PHACTR2: variants seen among roughly 807,000 people sequenced by gnomAD.
The protein encoded by PHACTR2 is chromosome 6 open reading frame 56.
A neutral mutation model predicts 76.0 loss-of-function variants in PHACTR2; 30 were observed. The observed-to-expected ratio is 0.39, with a 90% CI of 0.30 to 0.54. PHACTR2 has a LOEUF of 0.54. Among genes scored for constraint, PHACTR2 ranks in the 20% least tolerant of loss-of-function variants. The pLI is 0.61. For missense variants in PHACTR2, 696 were observed against 781.1 expected, an observed-to-expected ratio of 0.89 and a Z score of 1.30; for synonymous variants, 292 against 292.5, an observed-to-expected ratio of 1.00 and a Z score of 0.02.
rs1777579361 is a variant in PHACTR2 at position 143,688,901 on chromosome 6, C to T, written c.46+10692C>T. The stretch of plus-strand genomic sequence containing the variant: ...CACTCAAAACCTTCCTGTCCTCCCA[C>T]TGCACTTGGAATGAAATCCAGATTG... On this transcript the variant is annotated intron_variant, in intron 1 of 12. Coordinates refer to ENST00000440869, the MANE Select transcript of PHACTR2 (RefSeq NM_001100164.2). This position sits in a 1 kb window ranked among gnomAD's most constrained non-coding sequence, Gnocchi z 5.2. 6.6e-6 allele frequency among the ~76,000 whole-genome samples: 1 copy of T among 152,244 alleles called. No individual in the cohort carries two copies. Among genetic ancestry groups the T allele is most frequent in the Non-Finnish European group, 1.5e-5 (1 of 68,046 alleles).
At chr6:143,771,172 ATG>A (rs1397912018) in intron 6 of PHACTR2, among the ~76,000 whole-genome samples, 281 of 22,136 alleles carry the variant, frequency 0.013, 9 homozygotes, top group African/African-American at 0.05. Flanking sequence ...ATATATATAT[ATG>A]TATATATATA....
At chr6:143,798,919 T>G (rs1022577181) in intron 11 of PHACTR2, among the ~76,000 whole-genome samples, 2 of 152,166 alleles carry the variant, frequency 1.3e-5, no homozygotes, top group Non-Finnish European at 2.9e-5. Context: ...TTAGGGAGGA[T>G]TCCCTCTTTT....
rs1278911637 is a variant in PHACTR2, at chr6:143,561,968, CTTGACATGAGTGGTTCCT to C, written c.217+24765_217+24782del. 3 of 152,224 alleles carry C rather than the reference CTTGACATGAGTGGTTCCT, an allele frequency of 2.0e-5. No homozygotes were observed. The highest frequency in any genetic ancestry group is 7.2e-5 in the African/African-American group (3 of 41,440). 9.4% of individuals were successfully genotyped at this position (152,224 alleles called of 1,614,324 possible). ...TACATCCTCTCTTTTTGCCCCATGT[CTTGACATGAGTGGTTCCT>C]TTGCTTGGAGGGCCTCCTGTCTCTT... On this transcript the variant is annotated intron_variant, in intron 1 of 11. Coordinates refer to the PHACTR2 transcript ENST00000367584. The surrounding 1 kb of genome is among the most constrained non-coding windows in gnomAD (Gnocchi z 4.1).
chr6:143,718,049 A>G (rs766402404), intron 2 of PHACTR2, among the ~76,000 whole-genome samples: 1 of 152,226 alleles, frequency 6.6e-6, no homozygotes, highest in African/African-American at 2.4e-5. Flanking sequence ...ATACTCCTGT[A>G]TAAAGAAAAT....
rs1775455893 is a variant in PHACTR2 at position 143,782,555 on chromosome 6, G to A, written c.1646-664G>A. On this transcript the variant is annotated intron_variant, in intron 9 of 12. Transcript: ENST00000440869. This position sits in a 1 kb window ranked among gnomAD's most constrained non-coding sequence, Gnocchi z 4.6. ...GGGCAGCATAAAATCGTACTACTTG[G>A]TGAATCACTAGAGAACGAGAAGACT... Among the ~76,000 whole-genome samples, 4 of 152,136 alleles carry A rather than the reference G, an allele frequency of 2.6e-5. No individual in the cohort carries two copies. The highest frequency in any genetic ancestry group is 2.6e-4 in the Admixed American group (4 of 15,276).
In PHACTR2 at chr6:143,616,871, T is replaced by C. The variant is rs1034991565; in HGVS notation, c.13+8549T>C. Among the ~76,000 whole-genome samples the C allele has an allele frequency of 1.3e-5, 2 of 151,798 alleles. No individual in the cohort carries two copies. The highest frequency in any genetic ancestry group is 1.9e-4 in the East Asian group (1 of 5,142). Reference sequence around the variant, plus strand: ...AGCCACGTGAGAGCCAGGGTAAAAATGTGTCAAGCTGAGTGGCCGGCAAAC... The same window carrying C: ...AGCCACGTGAGAGCCAGGGTAAAAACGTGTCAAGCTGAGTGGCCGGCAAAC... On this transcript the variant is annotated intron_variant, in intron 1 of 11. Coordinates refer to the PHACTR2 transcript ENST00000305766. This position sits in a 1 kb window ranked among gnomAD's most constrained non-coding sequence, Gnocchi z 4.9.
In PHACTR2 at chr6:143,811,032, AT is replaced by A. The variant is rs1776164704; in HGVS notation, c.1922+3900del. 1.3e-5 allele frequency among the ~76,000 whole-genome samples: 2 copies of A among 152,232 alleles called. No homozygotes were observed. Among genetic ancestry groups the A allele is most frequent in the African/African-American group, 4.8e-5 (2 of 41,554 alleles). ...TATATTCAAATCTATCTGTATTGTT[AT>A]GTTTTACTTCATTGTTTTGTGTCTT... is the stretch of plus-strand genomic sequence containing the variant. On this transcript the variant is annotated intron_variant, in intron 12 of 12. Transcript: ENST00000440869. This position sits in a 1 kb window ranked among gnomAD's most constrained non-coding sequence, Gnocchi z 4.1.
At position 143,798,105 on chromosome 6, in the gene PHACTR2, G is replaced by A. The variant is rs1407030242; in HGVS notation, c.1846-8952G>A. Among the ~76,000 whole-genome samples, 3 of 151,970 alleles carry A rather than the reference G, an allele frequency of 2.0e-5. No individual in the cohort carries two copies. In the East Asian group the frequency reaches 5.8e-4, roughly 29 times the overall value. On this transcript the variant is annotated intron_variant, in intron 11 of 12. Transcript: ENST00000440869. Reference sequence around the variant, plus strand: ...GTGGTTTGTAGTTCTCCTTGAAGAGGTCCTTCATATCCCTTGTAAGTTGTG... The same window carrying A: ...GTGGTTTGTAGTTCTCCTTGAAGAGATCCTTCATATCCCTTGTAAGTTGTG...
rs138904936 is a variant in PHACTR2 at position 143,562,941 on chromosome 6, A to G, written c.217+25734A>G. Among the ~76,000 whole-genome samples the G allele has an allele frequency of 1.4e-3, 218 of 152,306 alleles. No homozygotes were observed. Among genetic ancestry groups the G allele is most frequent in the African/African-American group, 5.0e-3 (209 of 41,566 alleles). ...ACCTAGAATAGGCAAATTCCTAGAG[A>G]TAGAAAATAGAGTATAAGCTTCTAG... On this transcript the variant is annotated intron_variant, in intron 1 of 11. Transcript: ENST00000367584. The surrounding 1 kb of genome is among the most constrained non-coding windows in gnomAD (Gnocchi z 5.1).
intron 2 of PHACTR2, among the ~76,000 whole-genome samples, chr6:143,723,510 C>T (rs901697160): frequency 6.6e-6 from 1 of 152,188 alleles, no homozygotes; most frequent in Non-Finnish European, 1.5e-5. Context: ...TCAGTGACCA[C>T]TTTTGACTTT....
chr6:143,709,637 C>T lies in PHACTR2; in HGVS notation c.47-2379C>T, dbSNP rs78800386. 6.6e-6 allele frequency among the ~76,000 whole-genome samples: 1 copy of T among 152,286 alleles called. No individual in the cohort carries two copies. Among genetic ancestry groups the T allele is most frequent in the African/African-American group, 2.4e-5 (1 of 41,558 alleles). The stretch of plus-strand genomic sequence containing the variant: ...ACATGGAGGTAAAAATCCCATTTCT[C>T]CACCTGTCCTCTGTTGACATGCTGT... On this transcript the variant is annotated intron_variant, in intron 1 of 12. Coordinates refer to ENST00000440869, the MANE Select transcript of PHACTR2 (RefSeq NM_001100164.2). This position sits in a 1 kb window ranked among gnomAD's most constrained non-coding sequence, Gnocchi z 4.4.
At position 143,547,817 on chromosome 6, in the gene PHACTR2, T is replaced by C. The variant is rs1775031138; in HGVS notation, c.217+10610T>C. 6.6e-6 allele frequency among the ~76,000 whole-genome samples: 1 copy of C among 152,198 alleles called. No homozygotes were observed. The highest frequency in any genetic ancestry group is 1.9e-4 in the East Asian group (1 of 5,196). The stretch of plus-strand genomic sequence containing the variant: ...TTGGTTGTGATCAAGGAGGGCACTC[T>C]CTTTTTGTTTCCAGGGATTGATCTA... On this transcript the variant is annotated intron_variant, in intron 1 of 11. Transcript: ENST00000367584. The surrounding 1 kb of genome is among the most constrained non-coding windows in gnomAD (Gnocchi z 4.2).
chr6:143,725,942 C>A (rs1321826112), intron 2 of PHACTR2, among the ~76,000 whole-genome samples: 2 of 152,148 alleles, frequency 1.3e-5, no homozygotes, highest in African/African-American at 4.8e-5. Flanking sequence ...TGCATGTATT[C>A]ATCATTCCAT....
rs1776890182 is a variant in PHACTR2 at position 143,658,547 on chromosome 6, C to T, written c.13+50225C>T. Among the ~76,000 whole-genome samples, 1 of 152,096 alleles carries T rather than the reference C, an allele frequency of 6.6e-6. No individual in the cohort carries two copies. The highest frequency in any genetic ancestry group is 1.5e-5 in the Non-Finnish European group (1 of 68,012). ...TTTTAACAAACCTGGATGGAATAGC[C>T]TACTATACAACCTAGGCTGTATGGT... is the stretch of plus-strand genomic sequence containing the variant. On this transcript the variant is annotated intron_variant, in intron 1 of 11. Coordinates refer to the PHACTR2 transcript ENST00000305766. The surrounding 1 kb of genome is among the most constrained non-coding windows in gnomAD (Gnocchi z 4.1).
intron 1 of PHACTR2, among the ~76,000 whole-genome samples, chr6:143,574,725 A>G (rs1403828349): frequency 6.6e-6 from 1 of 150,782 alleles, no homozygotes; most frequent in Non-Finnish European, 1.5e-5. Context: ...TGAGTCAGTT[A>G]TGTTGGAAAT....
chr6:143,608,028 T>C (rs1049962141), upstream of PHACTR2, among the ~76,000 whole-genome samples: 7 of 152,176 alleles, frequency 4.6e-5, no homozygotes, highest in Non-Finnish European at 1.0e-4. This position sits in a 1 kb window ranked among gnomAD's most constrained non-coding sequence, Gnocchi z 4.6. Flanking sequence ...GTGATTTTTT[T>C]CCCCCTCCTT....
At chr6:143,736,693 G>A (rs1189762386) in intron 2 of PHACTR2, among the ~76,000 whole-genome samples, 1 of 147,414 alleles carries the variant, frequency 6.8e-6, no homozygotes, top group Non-Finnish European at 1.5e-5. Flanking sequence ...TCCTGCCTGA[G>A]CCTCGGAGTA....
rs548815847 is a variant in PHACTR2 at position 143,624,022 on chromosome 6, T to G, written c.13+15700T>G. ...CTGCCTCCCCACCCACTCCCCACCC[T>G]GCCCCAGTGTAAGCTATTATTGAAC... On this transcript the variant is annotated intron_variant, in intron 1 of 11. Transcript: ENST00000305766. The surrounding 1 kb of genome is among the most constrained non-coding windows in gnomAD (Gnocchi z 4.6). Among the ~76,000 whole-genome samples, 1 of 142,932 alleles carries G rather than the reference T, an allele frequency of 7.0e-6. No individual in the cohort carries two copies. Among genetic ancestry groups the G allele is most frequent in the South Asian group, 2.5e-4 (1 of 3,942 alleles). 93.8% of individuals were successfully genotyped at this position (142,932 alleles called of 152,430 possible).
intron 11 of PHACTR2, among the ~76,000 whole-genome samples, chr6:143,802,547 T>C (rs1209165412): frequency 6.8e-6 from 1 of 146,218 alleles, no homozygotes; most frequent in Non-Finnish European, 1.5e-5. Flanking sequence ...CTTGGGAGGC[T>C]GAGGTGGGAG....
Sources: allele counts gnomAD v4.1 joint callset (sites outside exome capture counted in the v4.1 genomes callset), GRCh38; gene constraint gnomAD v4.1.1; non-coding constraint Gnocchi (gnomAD v3.1); transcripts MANE v1.5; gene names NCBI Gene and HGNC (gene_info 2026-07-23, HGNC 2026-07-21).